DOCK1: variants seen among roughly 807,000 people sequenced by gnomAD.
DOCK1 encodes the protein dedicator of cytokinesis 1, also known as dedicator of cytokinesis protein 1.
DOCK1 carries 138 observed loss-of-function variants against 262.7 expected under a neutral mutation model. The observed-to-expected ratio is 0.53, with a 90% confidence interval of 0.46 to 0.61. DOCK1 has a LOEUF of 0.61. Ranked by LOEUF, DOCK1 falls within the 20% of genes least tolerant of loss-of-function variation. The pLI, the probability that DOCK1 is intolerant of heterozygous loss-of-function variation, is 0.00. For synonymous variants in DOCK1, 866 were observed against 867.4 expected, an observed-to-expected ratio of 1.00 and a Z score of 0.03; for missense variants, 1,908 against 2,370.7, an observed-to-expected ratio of 0.80 and a Z score of 4.05.
chr10:126,970,589 G>T (rs1234448826), intron 1 of DOCK1, 113 bp from the exon 2 acceptor site: 3 of 751,404 alleles, frequency 4.0e-6, no homozygotes, highest in African/African-American at 3.5e-5. Context: ...TGCAGGCAGC[G>T]ACTGAATGTA....
intron 23 of DOCK1, among the ~76,000 whole-genome samples, chr10:127,076,344 A>G (rs1211308857): frequency 1.3e-5 from 2 of 152,188 alleles, no homozygotes; most frequent in Non-Finnish European, 2.9e-5. Context: ...TACTAAAAAT[A>G]CAAAAAATTA....
chr10:126,962,846 A>T (rs2134560286), intron 1 of DOCK1, among the ~76,000 whole-genome samples: 1 of 152,236 alleles, frequency 6.6e-6, no homozygotes, highest in African/African-American at 2.4e-5. Flanking sequence ...TTCTTCTAAG[A>T]ATTTTATAGT....
chr10:126,959,218 C>T (rs2036996163), intron 1 of DOCK1, among the ~76,000 whole-genome samples: 1 of 152,124 alleles, frequency 6.6e-6, no homozygotes, highest in Non-Finnish European at 1.5e-5. Flanking sequence ...CAAATGTTTC[C>T]TATTCAGATC....
intron 29 of DOCK1, among the ~76,000 whole-genome samples, chr10:127,320,689 G>C (rs2062480605): frequency 6.6e-6 from 1 of 152,178 alleles, no homozygotes; most frequent in African/African-American, 2.4e-5. Flanking sequence ...CAGATCCTCA[G>C]TTTAAAATCT....
rs896119196 is a variant in DOCK1, at chr10:127,137,754, C to T, written c.2847+9990C>T. The stretch of plus-strand genomic sequence containing the variant: ...GCCTGAATGGGCACCACAGTTCCCT[C>T]GATCCTATTCATTTTGGAAAAGTAT... On this transcript the variant is annotated intron_variant, in intron 27 of 51. Coordinates refer to ENST00000623213, the MANE Select transcript of DOCK1 (RefSeq NM_001290223.2). 93 of 1,339,990 alleles carry T rather than the reference C, an allele frequency of 6.9e-5. No homozygotes were observed. In the East Asian group the frequency reaches 1.5e-3, roughly 21 times the overall value. 83.0% of individuals were successfully genotyped at this position (1,339,990 alleles called of 1,614,324 possible).
intron 29 of DOCK1, among the ~76,000 whole-genome samples, chr10:127,297,495 A>C (rs866270344): frequency 1.9e-4 from 29 of 150,356 alleles, no homozygotes; most frequent in African/African-American, 6.5e-4. Context: ...GGCAGTGAGC[A>C]CAGAAGGAGG....
At chr10:127,430,036 C>T (rs1447696322) in intron 47 of DOCK1, among the ~76,000 whole-genome samples, 1 of 152,204 alleles carries the variant, frequency 6.6e-6, no homozygotes, top group Non-Finnish European at 1.5e-5. Flanking sequence ...AGAGCCATAA[C>T]CCCAAGATGC....
chr10:127,179,816 A>G (rs1457737831), intron 27 of DOCK1, among the ~76,000 whole-genome samples: 2 of 152,238 alleles, frequency 1.3e-5, no homozygotes, highest in Non-Finnish European at 2.9e-5. Flanking sequence ...GTTACAGTGT[A>G]GCATTAACAT....
rs762473066 is a variant in DOCK1 at position 127,257,365 on chromosome 10, A to G, written c.2980A>G (p.Lys994Glu). The change falls in exon 29 of 52, where the codon AAG becomes GAG. Residue 994 changes from lysine to glutamate, a missense_variant. Around this residue, in one of 9 missense-constraint regions of DOCK1, gnomAD observed 518 missense variants for 575.1 expected, o/e 0.90. Coordinates refer to ENST00000623213, the MANE Select transcript of DOCK1 (RefSeq NM_001290223.2). The part of the protein sequence containing the change: ...DFLMETFIMF[K>E]NLIGKNVYPF... ...CCTAATGGAAACATTCATCATGTTTAAGAACCTCATTGGAAAGAACGTTTA... is the reference window on the plus strand; with the variant it reads ...CCTAATGGAAACATTCATCATGTTTGAGAACCTCATTGGAAAGAACGTTTA... 32 of 1,605,748 alleles carry G rather than the reference A, an allele frequency of 2.0e-5. No homozygotes were observed. The South Asian group carries it at 3.3e-4, about 16-fold the overall frequency.
rs11307702 is a variant in DOCK1 at position 127,126,086 on chromosome 10, CTT to C, written c.2751+498_2751+499del. ...TTGCTTTTGTAGCTCTACCCTATTC[CTT>C]TTTTTTTTTTTTCTTTTTTCTTTTG... On this transcript the variant is annotated intron_variant, in intron 26 of 51. Coordinates refer to ENST00000623213, the MANE Select transcript of DOCK1 (RefSeq NM_001290223.2). Among the ~76,000 whole-genome samples, 789 of 135,280 alleles carry C rather than the reference CTT, an allele frequency of 5.8e-3. 1 individual carries two copies. The highest frequency in any genetic ancestry group is 0.015 in the Middle Eastern group (4 of 264). The allele number at this position is 135,280 out of a possible 152,430, so 88.7% of individuals were successfully genotyped here.
At chr10:126,913,038 C>G (rs149112745) in intron 1 of DOCK1, among the ~76,000 whole-genome samples, 16 of 149,588 alleles carry the variant, frequency 1.1e-4, no homozygotes, top group African/African-American at 3.7e-4. Flanking sequence ...CTACTGGACT[C>G]GAGGGAGGTA....
intron 1 of DOCK1, among the ~76,000 whole-genome samples, chr10:126,906,538 C>T (rs2030883396): frequency 6.6e-6 from 1 of 152,196 alleles, no homozygotes; most frequent in Non-Finnish European, 1.5e-5. Flanking sequence ...CACAGACATC[C>T]TTGACCGCCT....
At chr10:127,237,546 T>G (rs2059118508) in intron 27 of DOCK1, among the ~76,000 whole-genome samples, 2 of 152,308 alleles carry the variant, frequency 1.3e-5, no homozygotes, top group South Asian at 4.1e-4. Flanking sequence ...ATTCCCGTAC[T>G]TAAGAAGCAT....
intron 1 of DOCK1, among the ~76,000 whole-genome samples, chr10:126,954,936 T>C (rs1339710129): frequency 6.6e-6 from 1 of 152,226 alleles, no homozygotes; most frequent in East Asian, 1.9e-4. Flanking sequence ...TATGTTGGTA[T>C]TGCCTGATCA....
rs75634204 is a variant in DOCK1 at position 127,222,760 on chromosome 10, G to A, written c.2848-25248G>A. Among the ~76,000 whole-genome samples, 668 of 133,004 alleles carry A rather than the reference G, an allele frequency of 5.0e-3. 8 individuals are homozygous for A. In the East Asian group the frequency reaches 0.052, roughly 10 times the overall value. The allele number at this position is 133,004 out of a possible 152,430, so 87.3% of individuals were successfully genotyped here. A position where few individuals can be genotyped will look rare whatever the true frequency, so the allele number is the denominator to read the frequency against. ...GGCTCACTGCGGCCTTGACCTCCTA[G>A]GCTAAAGTGATTCTCTCACTTTAGC... On this transcript the variant is annotated intron_variant, in intron 27 of 51. Transcript: ENST00000623213.
intron 29 of DOCK1, among the ~76,000 whole-genome samples, chr10:127,261,089 A>C (rs1298937679): frequency 6.4e-5 from 6 of 94,460 alleles, no homozygotes; most frequent in African/African-American, 1.7e-4. Flanking sequence ...ACCTGTGCTC[A>C]TCTGTGTGTG....
chr10:127,262,261 T>C (rs2060200095), intron 29 of DOCK1, among the ~76,000 whole-genome samples: 2 of 151,830 alleles, frequency 1.3e-5, no homozygotes, highest in African/African-American at 2.4e-5. Context: ...TACCTGCATG[T>C]GTGTGCATGT....
At chr10:127,056,452 T>C (rs1250390484) in intron 22 of DOCK1, among the ~76,000 whole-genome samples, 1 of 152,154 alleles carries the variant, frequency 6.6e-6, no homozygotes, top group Non-Finnish European at 1.5e-5. Context: ...TGCTGTGGCC[T>C]CCCAAAGTGC....
At chr10:127,346,283 G>A (rs566249742) in intron 31 of DOCK1, among the ~76,000 whole-genome samples, 6 of 152,204 alleles carry the variant, frequency 3.9e-5, no homozygotes, top group African/African-American at 1.4e-4. Flanking sequence ...TGAGCGTTAA[G>A]AGCCTAAGGC....
Sources: gnomAD v4.1 joint callset for allele counts (sites outside exome capture counted in the v4.1 genomes callset) on GRCh38, gnomAD v4.1.1 for gene constraint, gnomAD v4.1.1 regional missense constraint, MANE v1.5 for transcripts, NCBI Gene and HGNC (gene_info 2026-07-23, HGNC 2026-07-21) for gene names.